Variants in CNIH3 observed in about 807,000 individuals in gnomAD.
CNIH3 encodes the protein cornichon family AMPA receptor auxiliary protein 3, also known as protein cornichon homolog 3.
CNIH3 carries 14 observed loss-of-function variants against 24.1 expected under a neutral mutation model. The ratio of observed to expected loss-of-function variants is 0.58; its 90% confidence interval spans 0.38 to 0.91. The LOEUF is 0.91. CNIH3 is among the 40% of genes least tolerant of loss of function. The pLI is 0.00. For missense variants in CNIH3, 178 were observed against 196.8 expected, an observed-to-expected ratio of 0.90 and a Z score of 0.57; for synonymous variants, 68 against 73.8, an observed-to-expected ratio of 0.92 and a Z score of 0.40.
At chr1:224,596,068 C>T (rs1681967873) in intron 3 of CNIH3, among the ~76,000 whole-genome samples, 1 of 152,206 alleles carries the variant, frequency 6.6e-6, no homozygotes, top group Admixed American at 6.5e-5. Flanking sequence ...AAGGTGGCTA[C>T]ACTAAACAAC....
At chr1:224,486,063 G>A (rs958803205) in intron 1 of CNIH3, among the ~76,000 whole-genome samples, 1 of 151,960 alleles carries the variant, frequency 6.6e-6, no homozygotes, top group Admixed American at 6.5e-5. Context: ...AGTCTCCAGT[G>A]ATTTCCAGGG....
chr1:224,463,781 T>TTA (rs1558083194), intron 1 of CNIH3, among the ~76,000 whole-genome samples: 8 of 110,216 alleles, frequency 7.3e-5, no homozygotes, highest in African/African-American at 3.1e-4. Flanking sequence ...TCATTTTTTT[T>TTA]TTTTTTTTTT....
intron 1 of CNIH3, among the ~76,000 whole-genome samples, chr1:224,455,772 A>G (rs1319128357): frequency 6.6e-6 from 1 of 152,258 alleles, no homozygotes; most frequent in Non-Finnish European, 1.5e-5. Flanking sequence ...TGTCGGCCAC[A>G]TTAAAGCAAC....
intron 1 of CNIH3, among the ~76,000 whole-genome samples, chr1:224,441,576 T>A (rs949325342): frequency 1.3e-5 from 2 of 152,216 alleles, no homozygotes; most frequent in Non-Finnish European, 2.9e-5. Context: ...ATTATGATAA[T>A]CACAATAATC....
At chr1:224,584,844 G>A (rs1681430395) in intron 5 of CNIH3, among the ~76,000 whole-genome samples, 1 of 152,164 alleles carries the variant, frequency 6.6e-6, no homozygotes, top group African/African-American at 2.4e-5. Context: ...AATGCCTAAT[G>A]GGTTGGCCCA....
intron 3 of CNIH3, among the ~76,000 whole-genome samples, chr1:224,558,812 C>T (rs1413361764): frequency 1.3e-5 from 2 of 152,206 alleles, no homozygotes; most frequent in African/African-American, 4.8e-5. Flanking sequence ...GACACCTTTT[C>T]CTACTTCACA....
intron 2 of CNIH3, among the ~76,000 whole-genome samples, chr1:224,682,702 G>T (rs1175609747): frequency 2.6e-5 from 4 of 152,182 alleles, no homozygotes; most frequent in African/African-American, 9.7e-5. Context: ...AACATTACAC[G>T]CCTGGCCTGT....
At chr1:224,693,629 G>A (rs776720577) in intron 3 of CNIH3, among the ~76,000 whole-genome samples, 3 of 152,206 alleles carry the variant, frequency 2.0e-5, no homozygotes, top group Non-Finnish European at 4.4e-5. Context: ...AAGAGAAGAA[G>A]TGGAAATGCG....
At chr1:224,495,688 C>T (rs948926364) in intron 1 of CNIH3, among the ~76,000 whole-genome samples, 9 of 152,124 alleles carry the variant, frequency 5.9e-5, no homozygotes, top group Non-Finnish European at 1.3e-4. Flanking sequence ...GCTGAGATCC[C>T]AGGAGGAATG....
chr1:224,692,861 C>T (rs926060797), intron 3 of CNIH3, among the ~76,000 whole-genome samples: 3 of 152,162 alleles, frequency 2.0e-5, no homozygotes, highest in Non-Finnish European at 2.9e-5. Context: ...TAAGGACCAC[C>T]GCTACAGTAA....
chr1:224,520,990 C>A (rs533469320), intron 1 of CNIH3: 3 of 152,308 alleles, frequency 2.0e-5, no homozygotes, highest in African/African-American at 7.2e-5. Flanking sequence ...TCTCCACCTT[C>A]CCCCTACAGT....
intron 4 of CNIH3, among the ~76,000 whole-genome samples, chr1:224,566,436 T>C (rs1053372599): frequency 6.6e-6 from 1 of 152,060 alleles, no homozygotes; most frequent in Non-Finnish European, 1.5e-5. Context: ...TTTTGTTACA[T>C]AGGTATACAT....
At position 224,648,308 on chromosome 1, in the gene CNIH3, C is replaced by T. The variant is rs146971429; in HGVS notation, c.81+31053C>T. Among the ~76,000 whole-genome samples, 842 of 151,126 alleles carry T rather than the reference C, an allele frequency of 5.6e-3. 6 individuals are homozygous for T. The highest frequency in any genetic ancestry group is 0.019 in the African/African-American group (789 of 41,098). On this transcript the variant is annotated intron_variant, in intron 1 of 5. Coordinates refer to ENST00000272133, the MANE Select transcript of CNIH3 (RefSeq NM_152495.2). ...TACCTGTAATCCCAGCTACTAGGGA[C>T]GCTGAGGCAGGAGAATCGCTCAAAC...
chr1:224,538,770 C>T (rs1036274647), downstream of CNIH3, among the ~76,000 whole-genome samples: 47 of 151,834 alleles, frequency 3.1e-4, no homozygotes, highest in Non-Finnish European at 1.2e-4. Flanking sequence ...TGTGATCCTC[C>T]CACCTCAGCC....
chr1:224,665,406 T>C (rs1163062303), intron 1 of CNIH3, among the ~76,000 whole-genome samples: 2 of 152,208 alleles, frequency 1.3e-5, no homozygotes, highest in Non-Finnish European at 2.9e-5. Flanking sequence ...GTTTAAAACG[T>C]TTTATATTTG....
upstream of CNIH3, chr1:224,616,281 G>T: frequency 5.2e-6 from 1 of 193,894 alleles, no homozygotes; most frequent in Non-Finnish European, 1.0e-5. Flanking sequence ...GGGGCGCCGA[G>T]AGGAGGGAAT....
At chr1:224,511,894 G>T (rs1414172411), upstream of CNIH3, among the ~76,000 whole-genome samples, 2 of 152,158 alleles carry the variant, frequency 1.3e-5, no homozygotes, top group East Asian at 1.9e-4. Context: ...GTTTGGAGCT[G>T]GCCAGGCATG....
chr1:224,569,337 G>C (rs1362806805), intron 4 of CNIH3, among the ~76,000 whole-genome samples: 1 of 152,200 alleles, frequency 6.6e-6, no homozygotes, highest in Admixed American at 6.5e-5. Context: ...CATCCGTGTA[G>C]TTGTGTTTCA....
chr1:224,537,531 G>C (rs1189735530), downstream of CNIH3: 1 of 152,130 alleles, frequency 6.6e-6, no homozygotes, highest in Non-Finnish European at 1.5e-5. Context: ...ACCAATGTAC[G>C]TCTTACACAT....
Sources: allele counts gnomAD v4.1 joint callset (sites outside exome capture counted in the v4.1 genomes callset), GRCh38; gene constraint gnomAD v4.1.1; transcripts MANE v1.5; gene names NCBI Gene and HGNC (gene_info 2026-07-23, HGNC 2026-07-21).